NRXN1: variants seen among roughly 807,000 people sequenced by gnomAD.
NRXN1 encodes neurexin 1.
In NRXN1, 39 loss-of-function variants were observed where a neutral mutation model predicts 150.9. The ratio of observed to expected loss-of-function variants is 0.26; its 90% CI spans 0.20 to 0.34. The LOEUF (loss-of-function observed/expected upper bound fraction) is 0.34, where lower values mean the gene tolerates loss of function less well. NRXN1 is among the 10% of genes least tolerant of loss of function. The probability of loss-of-function intolerance (pLI) is 1.00; values close to 1 mark genes in which losing one functional copy is unlikely to be tolerated. For missense variants in NRXN1, 1,815 were observed against 1,949.9 expected, an observed-to-expected ratio of 0.93 and a Z score of 1.30; for synonymous variants, 924 against 757.0, an observed-to-expected ratio of 1.22 and a Z score of -3.62.
At chr2:50,575,227 T>C (rs965115786) in intron 8 of NRXN1, among the ~76,000 whole-genome samples, 6 of 152,200 alleles carry the variant, frequency 3.9e-5, no homozygotes, top group African/African-American at 1.4e-4. Flanking sequence ...TTATTGCAGA[T>C]CATTTTTAAT....
At chr2:50,330,087 A>C (rs563289652) in intron 17 of NRXN1, among the ~76,000 whole-genome samples, 73 of 152,154 alleles carry the variant, frequency 4.8e-4, no homozygotes, top group Non-Finnish European at 1.0e-3. Context: ...ATATTATAGA[A>C]GGAAATTAAT....
chr2:51,023,669 A>G (rs781200164), intron 2 of NRXN1, among the ~76,000 whole-genome samples: 1 of 152,238 alleles, frequency 6.6e-6, no homozygotes, highest in African/African-American at 2.4e-5. Flanking sequence ...TATGAGGTCT[A>G]TGAAAGTAAT....
intron 5 of NRXN1, among the ~76,000 whole-genome samples, chr2:50,901,893 C>T (rs1683009302): frequency 1.3e-5 from 2 of 152,136 alleles, no homozygotes. Context: ...TTTATCATTG[C>T]AACACGCATG....
intron 17 of NRXN1, chr2:50,312,622 AT>A: frequency 2.2e-6 from 1 of 451,354 alleles, no homozygotes; most frequent in Non-Finnish European, 4.5e-6. Context: ...TCCTACACAC[AT>A]GTTAAACCTG....
At chr2:50,862,521 G>T (rs1387545125) in intron 5 of NRXN1, among the ~76,000 whole-genome samples, 3 of 152,004 alleles carry the variant, frequency 2.0e-5, no homozygotes, top group Non-Finnish European at 2.9e-5. Context: ...GTGTAGGAAG[G>T]TCCTGAGTCA....
intron 17 of NRXN1, among the ~76,000 whole-genome samples, chr2:50,397,218 G>A (rs1242984134): frequency 2.0e-5 from 3 of 152,112 alleles, no homozygotes; most frequent in Non-Finnish European, 4.4e-5. Context: ...ACACCGCAAA[G>A]GACATGAGAA....
At chr2:50,527,962 C>T (rs2093001019) in intron 12 of NRXN1, among the ~76,000 whole-genome samples, 1 of 152,180 alleles carries the variant, frequency 6.6e-6, no homozygotes, top group South Asian at 2.1e-4. Context: ...GATAATGCCA[C>T]AACTCAAAAT....
intron 11 of NRXN1, among the ~76,000 whole-genome samples, chr2:50,529,723 G>C (rs556524011): frequency 6.6e-6 from 1 of 152,264 alleles, no homozygotes; most frequent in African/African-American, 2.4e-5. Context: ...ATTCTCATGA[G>C]TGTTTCCACT....
intron 5 of NRXN1, among the ~76,000 whole-genome samples, chr2:50,758,903 A>G (rs747963199): frequency 1.3e-5 from 2 of 151,920 alleles, no homozygotes; most frequent in Non-Finnish European, 2.9e-5. Context: ...TTTGGAGCAA[A>G]TCAACTAGGC....
intron 5 of NRXN1, among the ~76,000 whole-genome samples, chr2:50,641,006 T>C (rs983543887): frequency 6.6e-6 from 1 of 152,148 alleles, no homozygotes; most frequent in Non-Finnish European, 1.5e-5. Flanking sequence ...AAGAGAAAAG[T>C]AGACACTCCA....
chr2:50,865,422 G>A (rs1559368097), intron 5 of NRXN1, among the ~76,000 whole-genome samples: 1 of 151,736 alleles, frequency 6.6e-6, no homozygotes, highest in Non-Finnish European at 1.5e-5. Flanking sequence ...TTATAAAAAA[G>A]GAATTGAGGC....
chr2:50,268,420 C>T (rs1293128515), intron 17 of NRXN1, among the ~76,000 whole-genome samples: 1 of 152,140 alleles, frequency 6.6e-6, no homozygotes, highest in Non-Finnish European at 1.5e-5. Context: ...CTGGGGAGCA[C>T]ATACTGAATT....
intron 2 of NRXN1, among the ~76,000 whole-genome samples, chr2:50,985,784 T>C (rs1247249228): frequency 6.6e-6 from 1 of 151,460 alleles, no homozygotes; most frequent in African/African-American, 2.4e-5. Context: ...CATTTACCCA[T>C]ATAAAAAAAT....
chr2:50,294,455 T>C (rs2073324092), intron 17 of NRXN1, among the ~76,000 whole-genome samples: 1 of 152,348 alleles, frequency 6.6e-6, no homozygotes, highest in Non-Finnish European at 1.5e-5. Flanking sequence ...AATAGTAATT[T>C]ATTCATTTAT....
intron 18 of NRXN1, among the ~76,000 whole-genome samples, chr2:50,124,017 G>A (rs1704225663): frequency 6.6e-6 from 1 of 152,100 alleles, no homozygotes; most frequent in African/African-American, 2.4e-5. Flanking sequence ...ATCCAGGGGA[G>A]TGGCTATAAA....
At chr2:50,791,433 C>A (rs1296441840) in intron 5 of NRXN1, among the ~76,000 whole-genome samples, 4 of 151,972 alleles carry the variant, frequency 2.6e-5, no homozygotes, top group African/African-American at 9.7e-5. Flanking sequence ...TCTCAACTCT[C>A]ATAACAGAAT....
Position 51,027,549 on chromosome 2 carries a change from A to G in NRXN1, c.725T>C (p.Val242Ala). ...GVCSVVDDQA[V>A]CDCSRTGFRG... ...GAAGCCGGTTCGCGAGCAGTCGCAC[A>G]CGGCCTGGTCGTCCACCACGGAGCA... Residue 242 changes from valine to alanine, a missense_variant, in exon 2 of 23, where the codon GTG becomes GCG. Coordinates refer to ENST00000401669, the MANE Select transcript of NRXN1 (RefSeq NM_001330078.2). 6.3e-7 allele frequency: 1 copy of G among 1,589,554 alleles called. No individual in the cohort carries two copies. The highest frequency in any genetic ancestry group is 1.1e-5 in the South Asian group (1 of 89,390).
chr2:50,467,387 G>T (rs980678475), intron 16 of NRXN1, among the ~76,000 whole-genome samples: 1 of 151,256 alleles, frequency 6.6e-6, no homozygotes, highest in African/African-American at 2.4e-5. Flanking sequence ...TATAAAAATA[G>T]AAAAAAAGAC....
In NRXN1 at chr2:50,434,209, G is replaced by A. The variant is rs796650958; in HGVS notation, c.3364+31233C>T. ...CAAGTAGCTGGGACTAGAGGCGCCC[G>A]CCACCATGCCCGGCTAATTTTTTGT... On this transcript the variant is annotated intron_variant, in intron 17 of 22. Coordinates refer to ENST00000401669, the MANE Select transcript of NRXN1 (RefSeq NM_001330078.2). Among the ~76,000 whole-genome samples the A allele has an allele frequency of 8.6e-5, 13 of 151,292 alleles. 1 individual carries two copies. The highest frequency in any genetic ancestry group is 2.4e-4 in the African/African-American group (10 of 41,214).
Sources: allele counts gnomAD v4.1 joint callset (sites outside exome capture counted in the v4.1 genomes callset), GRCh38; gene constraint gnomAD v4.1.1; transcripts MANE v1.5; gene names NCBI Gene and HGNC (gene_info 2026-07-23, HGNC 2026-07-21).